Variants in PRKN observed in about 807,000 individuals in gnomAD.
The protein encoded by PRKN is parkin RBR E3 ubiquitin protein ligase, also known as E3 ubiquitin-protein ligase parkin.
A neutral mutation model predicts 59.5 loss-of-function variants in PRKN; 56 were observed. The observed-to-expected ratio is 0.94, with a 90% CI of 0.76 to 1.18. The LOEUF is 1.18. Among genes scored for constraint, PRKN ranks in the 50% most tolerant of loss-of-function variants. The pLI is 0.00. For synonymous variants in PRKN, 250 were observed against 222.1 expected, an observed-to-expected ratio of 1.13 and a Z score of -1.12; for missense variants, 657 against 596.4, an observed-to-expected ratio of 1.10 and a Z score of -1.06.
chr6:162,212,583 T>C (rs1033324293), intron 3 of PRKN, among the ~76,000 whole-genome samples: 1 of 152,180 alleles, frequency 6.6e-6, no homozygotes, highest in Non-Finnish European at 1.5e-5. Flanking sequence ...CCGGCATGTA[T>C]TCTTCATTGC....
chr6:161,674,029 T>TATC (rs1407503142), intron 7 of PRKN, among the ~76,000 whole-genome samples: 5 of 152,112 alleles, frequency 3.3e-5, no homozygotes, highest in Non-Finnish European at 2.9e-5. Context: ...ATTTTGGAAT[T>TATC]ATCAGCATAT....
intron 3 of PRKN, among the ~76,000 whole-genome samples, chr6:162,240,586 G>T (rs1399602304): frequency 6.6e-6 from 1 of 152,132 alleles, no homozygotes. Context: ...TTAATTGTAG[G>T]AAGTAACAAT....
intron 1 of PRKN, among the ~76,000 whole-genome samples, chr6:162,499,432 T>C (rs1421438692): frequency 6.6e-6 from 1 of 152,182 alleles, no homozygotes; most frequent in Non-Finnish European, 1.5e-5. Flanking sequence ...TCTTGTCCAC[T>C]AGACTCTTGC....
chr6:161,570,124 TAAAA>T lies in PRKN; in HGVS notation c.872-712_872-709del, dbSNP rs55699586. Among the ~76,000 whole-genome samples, 142 of 51,416 alleles carry T rather than the reference TAAAA, an allele frequency of 2.8e-3. 3 individuals carry two copies. In the South Asian group the frequency reaches 0.035, roughly 13 times the overall value. The allele number at this position is 51,416 out of a possible 152,430, so 33.7% of individuals were successfully genotyped here. ...TTGTAAAACAAAGTAAGTAAATAGG[TAAAA>T]AAAAAAAAAAAAAAAAAAATATATA... is the stretch of plus-strand genomic sequence containing the variant. On this transcript the variant is annotated intron_variant, in intron 7 of 11. Transcript: ENST00000366898.
At chr6:161,916,204 A>C (rs1251569638) in intron 6 of PRKN, among the ~76,000 whole-genome samples, 1 of 152,224 alleles carries the variant, frequency 6.6e-6, no homozygotes. Flanking sequence ...TTCTGGCCTT[A>C]TGAAGACATA....
intron 7 of PRKN, among the ~76,000 whole-genome samples, chr6:161,651,661 T>C (rs1458209545): frequency 6.6e-6 from 1 of 152,178 alleles, no homozygotes; most frequent in African/African-American, 2.4e-5. Context: ...ATGACAATCA[T>C]CATACAGGGC....
At chr6:161,717,660 G>C (rs888449571) in intron 7 of PRKN, among the ~76,000 whole-genome samples, 1 of 152,192 alleles carries the variant, frequency 6.6e-6, no homozygotes, top group Non-Finnish European at 1.5e-5. Context: ...ATCAATATTA[G>C]TATTTGTATC....
At chr6:161,654,347 C>T (rs1337122207) in intron 7 of PRKN, among the ~76,000 whole-genome samples, 1 of 152,138 alleles carries the variant, frequency 6.6e-6, no homozygotes, top group Non-Finnish European at 1.5e-5. Flanking sequence ...TCATGTACCC[C>T]GGAAGCCCTT....
chr6:162,365,857 C>G (rs1340241601), intron 2 of PRKN, among the ~76,000 whole-genome samples: 1 of 152,176 alleles, frequency 6.6e-6, no homozygotes, highest in Non-Finnish European at 1.5e-5. Flanking sequence ...CTGGTATGCT[C>G]TAATGTGTCC....
chr6:161,387,753 T>C (rs965080875), intron 9 of PRKN, among the ~76,000 whole-genome samples: 1 of 152,152 alleles, frequency 6.6e-6, no homozygotes, highest in Non-Finnish European at 1.5e-5. Context: ...ACATAATGGA[T>C]AGGTGGAAGC....
chr6:161,583,753 A>G (rs1292019030), intron 7 of PRKN, among the ~76,000 whole-genome samples: 2 of 152,186 alleles, frequency 1.3e-5, no homozygotes, highest in Non-Finnish European at 2.9e-5. Flanking sequence ...TCCACCTAAT[A>G]ATAGGAATGG....
chr6:161,441,984 G>T (rs1023108267), intron 9 of PRKN, among the ~76,000 whole-genome samples: 2 of 152,220 alleles, frequency 1.3e-5, no homozygotes, highest in Non-Finnish European at 1.5e-5. Flanking sequence ...AGCAAGCAGG[G>T]AGGACATCGC....
At position 161,356,815 on chromosome 6, in the gene PRKN, T is replaced by C. The variant is rs1482790960; in HGVS notation, c.1285+3273A>G. Among the ~76,000 whole-genome samples the C allele has an allele frequency of 6.6e-6, 1 of 152,002 alleles. No individual in the cohort carries two copies. Among genetic ancestry groups the C allele is most frequent in the Non-Finnish European group, 1.5e-5 (1 of 68,018 alleles). Reference sequence around the variant, plus strand: ...TCCATTGAACAATCAGTGGAGACACTAAGGAAGCAGCTGGCTATTGGAGTC... The same window carrying C: ...TCCATTGAACAATCAGTGGAGACACCAAGGAAGCAGCTGGCTATTGGAGTC... On this transcript the variant is annotated intron_variant, in intron 11 of 11. Coordinates refer to ENST00000366898, the MANE Select transcript of PRKN (RefSeq NM_004562.3). The surrounding 1 kb of genome is among the most constrained non-coding windows in gnomAD (Gnocchi z 7.8).
intron 4 of PRKN, among the ~76,000 whole-genome samples, chr6:162,114,754 T>C (rs929654900): frequency 3.3e-5 from 5 of 151,272 alleles, no homozygotes; most frequent in Non-Finnish European, 5.9e-5. Context: ...ATGCTCACCA[T>C]CACTGGCCAT....
At chr6:162,651,658 A>C (rs55693340) in intron 1 of PRKN, among the ~76,000 whole-genome samples, 1 of 152,118 alleles carries the variant, frequency 6.6e-6, no homozygotes, top group African/African-American at 2.4e-5. Flanking sequence ...CACTGACAAG[A>C]TCCTCAATAT....
At chr6:162,440,115 A>G (rs1789981211) in intron 2 of PRKN, among the ~76,000 whole-genome samples, 1 of 147,006 alleles carries the variant, frequency 6.8e-6, no homozygotes, top group South Asian at 2.1e-4. Context: ...TTCAATGTCT[A>G]TATTTTTTCC....
chr6:162,327,885 G>A (rs953690792), intron 2 of PRKN, among the ~76,000 whole-genome samples: 21 of 152,238 alleles, frequency 1.4e-4, no homozygotes, highest in Non-Finnish European at 2.8e-4. Flanking sequence ...ATGGAGCTCT[G>A]TCTGAGAGAA....
chr6:162,716,786 G>GCACA (rs67307025), intron 1 of PRKN, among the ~76,000 whole-genome samples: 203 of 148,804 alleles, frequency 1.4e-3, no homozygotes, highest in South Asian at 3.0e-3. Context: ...ACACACACGC[G>GCACA]CACACACACA....
In PRKN at chr6:161,706,467, T is replaced by A. The variant is rs1027909007; in HGVS notation, c.871+79305A>T. On this transcript the variant is annotated intron_variant, in intron 7 of 11. Transcript: ENST00000366898. ...AAGCTTTGCTTCACTGTCATTTGCT[T>A]CTTGACAGCAGCAAGGGTGCCTTAC... Among the ~76,000 whole-genome samples the A allele has an allele frequency of 4.6e-4, 70 of 152,232 alleles. 1 individual carries two copies. The highest frequency in any genetic ancestry group is 1.6e-3 in the African/African-American group (65 of 41,462).
Sources: allele counts gnomAD v4.1 joint callset (sites outside exome capture counted in the v4.1 genomes callset), GRCh38; gene constraint gnomAD v4.1.1; non-coding constraint Gnocchi (gnomAD v3.1); transcripts MANE v1.5; gene names NCBI Gene and HGNC (gene_info 2026-07-23, HGNC 2026-07-21).